Variants in ARHGEF7 observed in about 807,000 individuals in gnomAD.
The protein encoded by ARHGEF7 is PAK-interacting exchange factor beta.
A neutral mutation model predicts 109.8 loss-of-function variants in ARHGEF7; 33 were observed. That is an observed-to-expected ratio of 0.30 (90% CI 0.23 to 0.40). The LOEUF is 0.40. Ranked by LOEUF, ARHGEF7 falls within the 10% of genes least tolerant of loss-of-function variation. The probability of loss-of-function intolerance (pLI) is 1.00; values close to 1 mark genes in which losing one functional copy is unlikely to be tolerated. For missense variants in ARHGEF7, 938 were observed against 1,098.5 expected (o/e 0.85, Z 2.07); for synonymous variants, 458 against 424.6 (o/e 1.08, Z -0.97).
At position 111,213,242 on chromosome 13, in the gene ARHGEF7, G is replaced by A. The variant is rs553619867; in HGVS notation, c.468+3240G>A. Among the ~76,000 whole-genome samples, 8 of 152,288 alleles carry A rather than the reference G, an allele frequency of 5.3e-5. No homozygotes were observed. The South Asian group carries it at 1.5e-3, about 28-fold the overall frequency. On this transcript the variant is annotated intron_variant, in intron 4 of 21. Transcript: ENST00000646102. ...AAGAGGCCGTTAAGGAGCATGGTGG[G>A]CATAGATGACTGTGCCCGGCCAGGT...
intron 1 of ARHGEF7, among the ~76,000 whole-genome samples, chr13:111,117,518 A>G (rs2066878018): frequency 6.6e-6 from 1 of 152,206 alleles, no homozygotes; most frequent in Non-Finnish European, 1.5e-5. Flanking sequence ...AAGGCAGCGT[A>G]TTGTAGACAC....
chr13:111,201,853 A>G (rs1310141448), intron 2 of ARHGEF7, among the ~76,000 whole-genome samples: 1 of 152,094 alleles, frequency 6.6e-6, no homozygotes, highest in Non-Finnish European at 1.5e-5. Flanking sequence ...GTTCAGTGTT[A>G]GACCATGGGA....
intron 2 of ARHGEF7, among the ~76,000 whole-genome samples, chr13:111,198,398 A>G (rs1303562271): frequency 6.6e-6 from 1 of 151,828 alleles, no homozygotes; most frequent in African/African-American, 2.4e-5. Context: ...AGCCGTGGAC[A>G]CTCGCGGTGA....
At chr13:111,253,462 T>G (rs945423207) in intron 8 of ARHGEF7, among the ~76,000 whole-genome samples, 3 of 152,218 alleles carry the variant, frequency 2.0e-5, no homozygotes, top group African/African-American at 7.2e-5. Context: ...CAAATTTTAT[T>G]CTTACTTATT....
chr13:111,150,753 G>T (rs537298527), intron 1 of ARHGEF7, among the ~76,000 whole-genome samples: 1 of 152,208 alleles, frequency 6.6e-6, no homozygotes, highest in Non-Finnish European at 1.5e-5. Context: ...AGTGTGCCTT[G>T]AAAGTTTGTA....
intron 1 of ARHGEF7, among the ~76,000 whole-genome samples, chr13:111,115,903 T>A (rs1248451312): frequency 9.0e-6 from 1 of 110,860 alleles, no homozygotes; most frequent in Non-Finnish European, 2.0e-5. Context: ...GGGAGCGGGG[T>A]CGGGGGGAGG....
chr13:111,232,310 C>T (rs986974847), intron 5 of ARHGEF7, among the ~76,000 whole-genome samples: 1 of 152,140 alleles, frequency 6.6e-6, no homozygotes, highest in Non-Finnish European at 1.5e-5. Flanking sequence ...GACACAGACA[C>T]TGTCTGTAGA....
At chr13:111,205,008 C>T (rs113536948) in intron 2 of ARHGEF7, among the ~76,000 whole-genome samples, 19 of 152,120 alleles carry the variant, frequency 1.2e-4, no homozygotes, top group Non-Finnish European at 2.4e-4. Context: ...CCCCACCCCG[C>T]CCCGCCCCCG....
chr13:111,134,103 C>T (rs1426642754), intron 1 of ARHGEF7, among the ~76,000 whole-genome samples: 1 of 151,982 alleles, frequency 6.6e-6, no homozygotes, highest in East Asian at 1.9e-4. Context: ...TCATCCATGT[C>T]CCTACAAAGG....
chr13:111,245,005 G>A (rs1181152360), intron 8 of ARHGEF7, among the ~76,000 whole-genome samples: 1 of 152,184 alleles, frequency 6.6e-6, no homozygotes, highest in African/African-American at 2.4e-5. Flanking sequence ...GAGAGGTCAG[G>A]TGAATATGGC....
intron 5 of ARHGEF7, among the ~76,000 whole-genome samples, chr13:111,227,378 A>T (rs1042438837): frequency 6.6e-6 from 1 of 152,268 alleles, no homozygotes; most frequent in African/African-American, 2.4e-5. Context: ...AGAAGTGTCC[A>T]TAGCCACCGC....
intron 16 of ARHGEF7, among the ~76,000 whole-genome samples, chr13:111,285,680 T>C (rs978742216): frequency 3.3e-5 from 5 of 152,176 alleles, no homozygotes; most frequent in African/African-American, 1.2e-4. Context: ...ACTTCAAATA[T>C]TTTCTTAAAG....
At position 111,131,098 on chromosome 13, in the gene ARHGEF7, A is replaced by C. The variant is rs907566013; in HGVS notation, c.165+15407A>C. On this transcript the variant is annotated intron_variant, in intron 1 of 21. Transcript: ENST00000646102. This position sits in a 1 kb window ranked among gnomAD's most constrained non-coding sequence, Gnocchi z 4.4. ...ATCAGTTCTGTGCTTTGAAAACAAT[A>C]CTCTAGCCATAGCGTGGAGAACAGA... Among the ~76,000 whole-genome samples, 3 of 152,182 alleles carry C rather than the reference A, an allele frequency of 2.0e-5. No individual in the cohort carries two copies. Among genetic ancestry groups the C allele is most frequent in the African/African-American group, 7.2e-5 (3 of 41,444 alleles).
chr13:111,188,714 T>G (rs1024202651), intron 2 of ARHGEF7, among the ~76,000 whole-genome samples: 1 of 152,252 alleles, frequency 6.6e-6, no homozygotes, highest in Non-Finnish European at 1.5e-5. Flanking sequence ...AAGTCTTCCT[T>G]ATTTTGAATA....
intron 15 of ARHGEF7, among the ~76,000 whole-genome samples, chr13:111,282,193 T>TGGTGTGTG (rs1555400550): frequency 6.6e-6 from 1 of 152,142 alleles, no homozygotes; most frequent in Non-Finnish European, 1.5e-5. Context: ...TGGCATTAGC[T>TGGTGTGTG]GCCGTCCCTC....
At chr13:111,149,333 CAT>C (rs553702251) in intron 1 of ARHGEF7, among the ~76,000 whole-genome samples, 53 of 152,034 alleles carry the variant, frequency 3.5e-4, no homozygotes, top group African/African-American at 1.1e-3. Context: ...AAAATGGTAA[CAT>C]ATTGTTTTCA....
At chr13:111,238,981 C>T (rs1241477404) in intron 6 of ARHGEF7, among the ~76,000 whole-genome samples, 2 of 152,180 alleles carry the variant, frequency 1.3e-5, no homozygotes, top group African/African-American at 4.8e-5. Context: ...AGGAAACTTA[C>T]AGTCATGGCG....
rs1776737397 is a variant in ARHGEF7 at position 111,273,470 on chromosome 13, C to A, written c.1074-344C>A. 6.6e-6 allele frequency among the ~76,000 whole-genome samples: 1 copy of A among 152,230 alleles called. No homozygotes were observed. On this transcript the variant is annotated intron_variant, in intron 9 of 21. Transcript: ENST00000646102. The surrounding 1 kb of genome is among the most constrained non-coding windows in gnomAD (Gnocchi z 4.5). ...CTTGAGACTCTGAGATTATTGGAATCCATTCTGGCTCTGAGTGTGCATGTT... is the reference window on the plus strand; with the variant it reads ...CTTGAGACTCTGAGATTATTGGAATACATTCTGGCTCTGAGTGTGCATGTT...
At chr13:111,264,608 G>A (rs76012096) in intron 8 of ARHGEF7, among the ~76,000 whole-genome samples, 5 of 152,150 alleles carry the variant, frequency 3.3e-5, no homozygotes, top group African/African-American at 1.2e-4. Context: ...GTGAGCCCCC[G>A]CCAGTACTCT....
Sources: gnomAD v4.1 joint callset for allele counts (sites outside exome capture counted in the v4.1 genomes callset) on GRCh38, gnomAD v4.1.1 for gene constraint, Gnocchi (gnomAD v3.1) non-coding constraint, MANE v1.5 for transcripts, NCBI Gene and HGNC (gene_info 2026-07-23, HGNC 2026-07-21) for gene names.